The following CCDC81 variants were observed in gnomAD, a reference collection of about 807,000 sequenced individuals.
CCDC81 encodes the protein coiled-coil domain containing 81.
Under a neutral mutation model 83.7 loss-of-function variants are expected in CCDC81, and 79 were observed. The ratio of observed to expected loss-of-function variants is 0.94; its 90% CI spans 0.79 to 1.14. The LOEUF (loss-of-function observed/expected upper bound fraction) is 1.14, where lower values mean the gene tolerates loss of function less well. Among genes scored for constraint, CCDC81 ranks in the 50% most tolerant of loss-of-function variants. The pLI, the probability that CCDC81 is intolerant of heterozygous loss-of-function variation, is 0.00. For missense variants in CCDC81, 791 were observed against 778.1 expected, an observed-to-expected ratio of 1.02 and a Z score of -0.20; for synonymous variants, 252 against 278.1, an observed-to-expected ratio of 0.91 and a Z score of 0.93.
Position 86,415,122 on chromosome 11 carries a change from C to T in CCDC81, c.1500C>T (p.Pro500=). 2 of 1,614,178 alleles carry T rather than the reference C, an allele frequency of 1.2e-6. No individual in the cohort carries two copies. Among genetic ancestry groups the T allele is most frequent in the Non-Finnish European group, 8.5e-7 (1 of 1,180,032 alleles). ...AGAACAAACCCTCTCGGCTGCCCCC[C>T]TTTGAGCCAGACTCCTCTGAGCCCA... The part of the protein sequence containing the change: ...QIKNKPSRLP[P]FEPDSSEPIF... Residue 500 remains proline, a synonymous_variant, in exon 13 of 15, where the codon CCC becomes CCT. Transcript: ENST00000445632.
intron 9 of CCDC81, 95 bp downstream of exon 9, chr11:86,408,365 CT>C (rs1948592221): frequency 1.7e-6 from 2 of 1,199,138 alleles, no homozygotes; most frequent in Non-Finnish European, 2.2e-6. Context: ...CAGGGTCTCA[CT>C]CTGTCACCCA....
intron 1 of CCDC81, among the ~76,000 whole-genome samples, chr11:86,384,785 C>T (rs940066478): frequency 6.6e-6 from 1 of 152,148 alleles, no homozygotes; most frequent in African/African-American, 2.4e-5. Context: ...TCTTGATTTG[C>T]AGAGAGTTCT....
At chr11:86,404,420 C>T (rs1948537461) in intron 7 of CCDC81, among the ~76,000 whole-genome samples, 1 of 152,142 alleles carries the variant, frequency 6.6e-6, no homozygotes, top group South Asian at 2.1e-4. Flanking sequence ...GCCCTCAAAG[C>T]CTAAAACATT....
intron 13 of CCDC81, among the ~76,000 whole-genome samples, chr11:86,416,952 A>G (rs1346981594): frequency 6.6e-6 from 1 of 152,134 alleles, no homozygotes; most frequent in African/African-American, 2.4e-5. Context: ...AAAGAAGTCA[A>G]TTGAAGGTTA....
intron 2 of CCDC81, 142 bp from the exon 3 acceptor site, chr11:86,387,374 A>G (rs1948256972): frequency 4.5e-6 from 3 of 672,170 alleles, no homozygotes; most frequent in Middle Eastern, 4.0e-4. Flanking sequence ...ATAAAATGCT[A>G]TAGCTCTGAA....
chr11:86,417,594 AC>A (rs1258547533), intron 13 of CCDC81, among the ~76,000 whole-genome samples: 1 of 152,038 alleles, frequency 6.6e-6, no homozygotes. Context: ...TAATAATTTA[AC>A]TTTTGCATTA....
At chr11:86,402,122 A>G (rs1200168671) in intron 7 of CCDC81, among the ~76,000 whole-genome samples, 1 of 137,848 alleles carries the variant, frequency 7.3e-6, no homozygotes, top group Non-Finnish European at 1.6e-5. Context: ...GTGACAGAGC[A>G]AGACTCTGTC....
chr11:86,377,114 T>C (rs1948108171), intron 1 of CCDC81, among the ~76,000 whole-genome samples: 1 of 152,222 alleles, frequency 6.6e-6, no homozygotes, highest in South Asian at 2.1e-4. Context: ...TTTTTGTGGC[T>C]TGATAGCTCA....
rs546636703 is a variant in CCDC81 at position 86,376,148 on chromosome 11, C to A, written c.79+906C>A. 1.4e-4 allele frequency among the ~76,000 whole-genome samples: 21 copies of A among 152,292 alleles called. 1 individual carries two copies. The South Asian group carries it at 4.3e-3, about 32-fold the overall frequency. On this transcript the variant is annotated intron_variant, in intron 1 of 14. Coordinates refer to ENST00000445632, the MANE Select transcript of CCDC81 (RefSeq NM_001156474.2). ...CGGTGAACAAACATCTTGGAATTTA[C>A]TGTTTAGTGGGGAAGATGCACATTA... is the stretch of plus-strand genomic sequence containing the variant.
chr11:86,377,146 T>G (rs190039913), intron 1 of CCDC81, among the ~76,000 whole-genome samples: 97 of 152,084 alleles, frequency 6.4e-4, no homozygotes, highest in South Asian at 1.7e-3. Context: ...TTCTGAATAA[T>G]ATTCCATTAT....
At chr11:86,387,441 T>A (rs1948257961) in intron 2 of CCDC81, 75 bp from the exon 3 acceptor site, 3 of 1,438,438 alleles carry the variant, frequency 2.1e-6, no homozygotes, top group African/African-American at 2.8e-5. Context: ...TCGTGTTTTT[T>A]AGATAATAAT....
At chr11:86,385,963 T>C (rs1948235924) in intron 1 of CCDC81, 88 bp from the exon 2 acceptor site, 6 of 605,310 alleles carry the variant, frequency 9.9e-6, no homozygotes, top group South Asian at 2.0e-5. Context: ...CCACATTTCA[T>C]ATTTACATTT....
chr11:86,403,320 G>A (rs4944573), intron 7 of CCDC81, among the ~76,000 whole-genome samples: 52,720 of 151,732 alleles, frequency 0.35, 9,581 homozygotes, highest in Admixed American at 0.41. Flanking sequence ...TTTCTGATGT[G>A]TATGTTTTAA....
chr11:86,413,725 G>A (rs910112437), intron 11 of CCDC81, among the ~76,000 whole-genome samples: 10 of 152,172 alleles, frequency 6.6e-5, no homozygotes, highest in Non-Finnish European at 1.5e-4. Context: ...ATGTTCAAAT[G>A]ACCTCATGGC....
chr11:86,389,164 TCA>T (rs1333424494), intron 3 of CCDC81, among the ~76,000 whole-genome samples: 1 of 151,966 alleles, frequency 6.6e-6, no homozygotes, highest in Non-Finnish European at 1.5e-5. Context: ...GCATGATGGT[TCA>T]CACCACCAGT....
Position 86,392,649 on chromosome 11 carries a change from G to A in CCDC81, c.407G>A (p.Arg136His), listed in dbSNP as rs578071215. Residue 136 changes from arginine (R) to histidine (H), a missense_variant, in exon 4 of 15, where the codon CGT becomes CAT. Arg to His is a conservative substitution (Grantham distance 29, BLOSUM62 0). Coordinates refer to ENST00000445632, the MANE Select transcript of CCDC81 (RefSeq NM_001156474.2). ...CVKETLLFLS[R>H]SISMKQNVEF... ...AAGGAGACGTTGCTTTTTTTATCGC[G>A]TTCCATTTCCATGAAACAAAATGTG... The A allele has an allele frequency of 3.2e-5, 49 of 1,551,598 alleles. No homozygotes were observed. The highest frequency in any genetic ancestry group is 9.8e-5 in the Admixed American group (5 of 51,004).
Position 86,395,418 on chromosome 11 carries a change from G to C in CCDC81, c.635+5G>C, listed in dbSNP as rs762864821. The C allele has an allele frequency of 6.2e-7, 1 of 1,613,238 alleles. No homozygotes were observed. The highest frequency in any genetic ancestry group is 8.5e-7 in the Non-Finnish European group (1 of 1,179,272). On this transcript the variant is annotated splice_donor_5th_base_variant and intron_variant, in intron 5 of 14. Transcript: ENST00000445632. ...CAGTGTGCTTGCGTTTCCAAGGTGAGTGCTTTGCTTCACGGGTTCCTCTAG... is the reference window on the plus strand; with the variant it reads ...CAGTGTGCTTGCGTTTCCAAGGTGACTGCTTTGCTTCACGGGTTCCTCTAG...
chr11:86,419,866 C>G (rs879396499), intron 13 of CCDC81, 62 bp from the exon 14 acceptor site: 20 of 1,514,762 alleles, frequency 1.3e-5, no homozygotes, highest in Non-Finnish European at 1.6e-5. Context: ...AGGAATGGGG[C>G]TCCCAAATTT....
In CCDC81 at chr11:86,390,215, C is replaced by CT. The variant is rs1216226375; in HGVS notation, c.299-2323dup. On this transcript the variant is annotated intron_variant, in intron 3 of 14. Transcript: ENST00000445632. The stretch of plus-strand genomic sequence containing the variant: ...CCGGAGGACAGCATGCCTAACTCTG[C>CT]TTTACGAAGATGACATGTGAAGAGG... Among the ~76,000 whole-genome samples the CT allele has an allele frequency of 5.3e-5, 8 of 152,218 alleles. No individual in the cohort carries two copies. The East Asian group carries it at 1.5e-3, about 29-fold the overall frequency.
Sources: gnomAD v4.1 joint callset for allele counts (sites outside exome capture counted in the v4.1 genomes callset) on GRCh38, gnomAD v4.1.1 for gene constraint, MANE v1.5 for transcripts, NCBI Gene and HGNC (gene_info 2026-07-23, HGNC 2026-07-21) for gene names.